Variants in TMEM259 observed in about 807,000 individuals in gnomAD.
TMEM259 encodes membralin.
TMEM259 carries 26 observed loss-of-function variants against 46.7 expected under a neutral mutation model. The ratio of observed to expected loss-of-function variants is 0.56; its 90% CI spans 0.41 to 0.77. The LOEUF is 0.77. Among genes scored for constraint, TMEM259 ranks in the 30% least tolerant of loss-of-function variants. TMEM259 has a pLI of 0.00. For missense variants in TMEM259, 930 were observed against 900.5 expected (o/e 1.03, Z -0.42); for synonymous variants, 494 against 395.1 (o/e 1.25, Z -2.97).
In TMEM259 at chr19:1,011,441, G is replaced by T; in HGVS notation, c.1143C>A (p.Ile381=). 6.4e-7 allele frequency: 1 copy of T among 1,568,312 alleles called. No homozygotes were observed. The highest frequency in any genetic ancestry group is 8.6e-7 in the Non-Finnish European group (1 of 1,157,082). Residue 381 remains isoleucine, a synonymous_variant, in exon 9 of 11, where the codon ATC becomes ATA. Coordinates refer to ENST00000356663, the MANE Select transcript of TMEM259 (RefSeq NM_001033026.2). ...FNDTTTAFYI[I]LIVWLADQYD... ...ACTGGTCCGCGAGCCACACGATGAG[G>T]ATGATGTAGAAGGCGGTGGTGGTGT...
chr19:1,020,750 C>CG lies in TMEM259; in HGVS notation c.225+21dup. On this transcript the variant is annotated intron_variant, in intron 1 of 10. Coordinates refer to ENST00000356663, the MANE Select transcript of TMEM259 (RefSeq NM_001033026.2). This position sits in a 1 kb window ranked among gnomAD's most constrained non-coding sequence, Gnocchi z 4.0. ...CGGGACAGCCGCTGGGGTCAAGGGTCGGGGGTCGGGGCCGCGGTCACCTTG... is the reference window on the plus strand; with the variant it reads ...CGGGACAGCCGCTGGGGTCAAGGGTCGGGGGGTCGGGGCCGCGGTCACCTTG... The CG allele has an allele frequency of 7.7e-7, 1 of 1,290,992 alleles. No homozygotes were observed. The allele number at this position is 1,290,992 out of a possible 1,614,324, so 80.0% of individuals were successfully genotyped here. A position where few individuals can be genotyped will look rare whatever the true frequency, so the allele number is the denominator to read the frequency against.
chr19:1,015,388 C>T (rs779335063), intron 1 of TMEM259, among the ~76,000 whole-genome samples: 6 of 152,200 alleles, frequency 3.9e-5, no homozygotes, highest in Non-Finnish European at 7.4e-5. Flanking sequence ...ACGGCCCCAC[C>T]CCGACGTCCA....
In TMEM259 at chr19:1,011,738, C is replaced by T. The variant is rs1247616099; in HGVS notation, c.1000+3G>A. 1.3e-6 allele frequency: 2 copies of T among 1,545,370 alleles called. No homozygotes were observed. The highest frequency in any genetic ancestry group is 1.7e-6 in the Non-Finnish European group (2 of 1,143,886). ...CCCCGCCCTGCGCCGGCGGGACACT[C>T]ACCGATGAAGACGAAGATCTGGTGG... On this transcript the variant is annotated splice_donor_region_variant and intron_variant, in intron 7 of 10. Transcript: ENST00000356663.
At chr19:1,018,266 C>A (rs1418114172) in intron 1 of TMEM259, among the ~76,000 whole-genome samples, 1 of 152,232 alleles carries the variant, frequency 6.6e-6, no homozygotes, top group Admixed American at 6.5e-5. Flanking sequence ...GGAACACAGG[C>A]CCCTGCCGCC....
chr19:1,010,742 T>C lies in TMEM259; in HGVS notation c.1471A>G (p.Thr491Ala). 1.3e-6 allele frequency: 2 copies of C among 1,533,082 alleles called. No individual in the cohort carries two copies. Among genetic ancestry groups the C allele is most frequent in the African/African-American group, 1.4e-5 (1 of 72,956 alleles). The allele number at this position is 1,533,082 out of a possible 1,614,324, so 95.0% of individuals were successfully genotyped here. A position where few individuals can be genotyped will look rare whatever the true frequency, so the allele number is the denominator to read the frequency against. The change falls in exon 11 of 11, where the codon ACA becomes GCA. Residue 491 changes from threonine (T) to alanine (A), a missense_variant. By Grantham distance (58) the Thr-to-Ala change is moderately conservative (BLOSUM62 0). Transcript: ENST00000356663. ...DMNNNSGAPA[T>A]APDSAGQPPA... is the part of the protein sequence containing the mutation. ...GGCTGGCCGGCAGAGTCAGGGGCTG[T>C]AGCCGGGGCGCCCGAGTTGTTGTTC...
At chr19:1,012,222 C>T (rs750987357) in intron 4 of TMEM259, 34 bp from the exon 5 acceptor site, 47 of 1,575,168 alleles carry the variant, frequency 3.0e-5, no homozygotes, top group African/African-American at 5.4e-5. Flanking sequence ...CCGGGAGCCC[C>T]GCCCAGGCCA....
chr19:1,010,215 C>T lies in TMEM259; in HGVS notation c.*135G>A. 1 of 881,584 alleles carries T rather than the reference C, an allele frequency of 1.1e-6. No homozygotes were observed. The highest frequency in any genetic ancestry group is 1.6e-6 in the Non-Finnish European group (1 of 622,106). The allele number at this position is 881,584 out of a possible 1,614,324, so 54.6% of individuals were successfully genotyped here. ...GAGGAAAGCCGCCTTCCGGGCAAAC[C>T]CCACGAAACCCTGAAAGCCCCCGAC... On this transcript the variant is annotated 3_prime_UTR_variant, in exon 11 of 11. Coordinates refer to ENST00000356663, the MANE Select transcript of TMEM259 (RefSeq NM_001033026.2).
At chr19:1,015,595 C>T (rs951081116) in intron 1 of TMEM259, among the ~76,000 whole-genome samples, 4 of 152,136 alleles carry the variant, frequency 2.6e-5, no homozygotes, top group East Asian at 3.9e-4. Flanking sequence ...CCTGCTGCCC[C>T]GATCCGCAAA....
chr19:1,011,773 C>A lies in TMEM259; in HGVS notation c.968G>T (p.Arg323Leu), dbSNP rs767155414. 1.3e-6 allele frequency: 2 copies of A among 1,564,662 alleles called. No homozygotes were observed. Among genetic ancestry groups the A allele is most frequent in the Non-Finnish European group, 1.7e-6 (2 of 1,154,312 alleles). Reference protein sequence around the residue: ...IFTLSVSMLLRYSHHQIFVFI... With the variant: ...IFTLSVSMLLLYSHHQIFVFI... Reference sequence around the variant, plus strand: ...GACGAAGATCTGGTGGTGTGAGTACCGCAGCAGCATGGACACGCTCAGCGT... The same window carrying A: ...GACGAAGATCTGGTGGTGTGAGTACAGCAGCAGCATGGACACGCTCAGCGT... The change falls in exon 7 of 11, where the codon CGG (arginine) becomes CTG (leucine). Residue 323 changes from arginine (R) to leucine (L), a missense_variant. Transcript: ENST00000356663.
chr19:1,013,375 C>T (rs1302171863), intron 2 of TMEM259, 35 bp from the exon 3 acceptor site: 1 of 1,606,784 alleles, frequency 6.2e-7, no homozygotes, highest in South Asian at 1.1e-5. Context: ...GTCAGCAGCG[C>T]CAGCCCGGGC....
Position 1,010,907 on chromosome 19 carries a change from A to AGGGCGG in TMEM259, c.1318-13_1318-12insCCGCCC. On this transcript the variant is annotated splice_polypyrimidine_tract_variant and intron_variant, in intron 10 of 10. Coordinates refer to ENST00000356663, the MANE Select transcript of TMEM259 (RefSeq NM_001033026.2). The stretch of plus-strand genomic sequence containing the variant: ...TAGATCATGGAATGCTGCGGGAGGG[A>AGGGCGG]GAGTGGGAGTCAGGACGGGCCCGCC... 7.9e-7 allele frequency: 1 copy of AGGGCGG among 1,258,314 alleles called. No individual in the cohort carries two copies. Among genetic ancestry groups the AGGGCGG allele is most frequent in the Non-Finnish European group, 1.1e-6 (1 of 899,776 alleles). 77.9% of individuals were successfully genotyped at this position (1,258,314 alleles called of 1,614,324 possible). A position where few individuals can be genotyped will look rare whatever the true frequency, so the allele number is the denominator to read the frequency against.
chr19:1,020,832 G>C lies in TMEM259; in HGVS notation c.165C>G (p.Thr55=). 7.2e-7 allele frequency: 1 copy of C among 1,379,784 alleles called. No homozygotes were observed. Among genetic ancestry groups the C allele is most frequent in the Non-Finnish European group, 9.4e-7 (1 of 1,060,998 alleles). The allele number at this position is 1,379,784 out of a possible 1,614,324, so 85.5% of individuals were successfully genotyped here. The stretch of plus-strand genomic sequence containing the variant: ...AGGCGGGCGGGAAGAGCCGCGAATA[G>C]GTGACAGCCATCTTGAAGAACAGCG... ...FHALFFKMAV[T]YSRLFPPAFR... Residue 55 remains threonine (T), a synonymous_variant, in exon 1 of 11, where the codon ACC becomes ACG. Coordinates refer to ENST00000356663, the MANE Select transcript of TMEM259 (RefSeq NM_001033026.2). The surrounding 1 kb of genome is among the most constrained non-coding windows in gnomAD (Gnocchi z 4.0).
In TMEM259 at chr19:1,010,356, C is replaced by T. The variant is rs1309769150; in HGVS notation, c.1857G>A (p.Gly619=). ...MAPTEAPSEV[G]S ...GGCGGCTCAGCTGTGCGGCTCAGGA[C>T]CCCACCTCCGAGGGCGCCTCCGTTG... Residue 619 remains glycine (G), a synonymous_variant, in exon 11 of 11, where the codon GGG becomes GGA. Coordinates refer to ENST00000356663, the MANE Select transcript of TMEM259 (RefSeq NM_001033026.2). 6.7e-7 allele frequency: 1 copy of T among 1,489,762 alleles called. No homozygotes were observed. Among genetic ancestry groups the T allele is most frequent in the Non-Finnish European group, 8.9e-7 (1 of 1,128,206 alleles). 92.3% of individuals were successfully genotyped at this position (1,489,762 alleles called of 1,614,324 possible).
At position 1,010,056 on chromosome 19, in the gene TMEM259, C is replaced by T. The variant is rs541944315; in HGVS notation, c.*294G>A. The T allele has an allele frequency of 4.5e-5, 19 of 418,584 alleles. No individual in the cohort carries two copies. The South Asian group carries it at 7.4e-4, about 16-fold the overall frequency. The allele number at this position is 418,584 out of a possible 1,614,324, so 25.9% of individuals were successfully genotyped here. A position where few individuals can be genotyped will look rare whatever the true frequency, so the allele number is the denominator to read the frequency against. On this transcript the variant is annotated 3_prime_UTR_variant, in exon 11 of 11. Coordinates refer to ENST00000356663, the MANE Select transcript of TMEM259 (RefSeq NM_001033026.2). Reference sequence around the variant, plus strand: ...CCTGCACCATGGGACCCCACTCCATCCTCAGGACGGTTCACTGCAGACCTA... The same window carrying T: ...CCTGCACCATGGGACCCCACTCCATTCTCAGGACGGTTCACTGCAGACCTA...
chr19:1,020,656 G>A lies in TMEM259; in HGVS notation c.225+116C>T, dbSNP rs1284162249. On this transcript the variant is annotated intron_variant, in intron 1 of 10. Coordinates refer to ENST00000356663, the MANE Select transcript of TMEM259 (RefSeq NM_001033026.2). This position sits in a 1 kb window ranked among gnomAD's most constrained non-coding sequence, Gnocchi z 4.0. ...CGGTAGGGCCGGGTATAGGCCTCAG[G>A]GTGCAGGGTGGCGCTCGCTGTCCCC... 5.9e-6 allele frequency: 4 copies of A among 682,444 alleles called. No individual in the cohort carries two copies. The highest frequency in any genetic ancestry group is 6.2e-5 in the South Asian group (1 of 16,206). The allele number at this position is 682,444 out of a possible 1,614,324, so 42.3% of individuals were successfully genotyped here. A position where few individuals can be genotyped will look rare whatever the true frequency, so the allele number is the denominator to read the frequency against.
chr19:1,011,152 G>A lies in TMEM259; in HGVS notation c.1261C>T (p.Arg421Cys), dbSNP rs766563006. 6 of 1,605,390 alleles carry A rather than the reference G, an allele frequency of 3.7e-6. No homozygotes were observed. The highest frequency in any genetic ancestry group is 5.1e-6 in the Non-Finnish European group (6 of 1,175,770). The change falls in exon 10 of 11, where the codon CGC (arginine) becomes TGC (cysteine). Residue 421 changes from arginine (R) to cysteine (C), a missense_variant. By Grantham distance (180) the Arg-to-Cys change is radical. Coordinates refer to ENST00000356663, the MANE Select transcript of TMEM259 (RefSeq NM_001033026.2). ...AGGCTGCTATACTGCCCATTGAAGC[G>A]GTAGTGATAGGCATAGAAGGCGAAG... ...YHFAFYAYHY[R>C]FNGQYSSLAL...
intron 1 of TMEM259, among the ~76,000 whole-genome samples, chr19:1,016,146 C>T (rs1008664168): frequency 6.6e-6 from 1 of 152,134 alleles, no homozygotes; most frequent in African/African-American, 2.4e-5. Context: ...GAGCAGAACC[C>T]TGACCGCCAG....
chr19:1,015,975 TAGCCGCACGTGCACCTGGGGCG>T (rs2039094700), intron 1 of TMEM259, among the ~76,000 whole-genome samples: 1 of 152,226 alleles, frequency 6.6e-6, no homozygotes, highest in African/African-American at 2.4e-5. Flanking sequence ...GCCCTGGGTC[TAGCCGCACGTGCACCTGGGGCG>T]AGCCCCATCA....
At chr19:1,012,261 A>T in intron 4 of TMEM259, 73 bp from the exon 5 acceptor site, 1 of 1,541,284 alleles carries the variant, frequency 6.5e-7, no homozygotes. Flanking sequence ...AGCTGGCTCC[A>T]TTGCTGAGGC....
Sources: allele counts gnomAD v4.1 joint callset (sites outside exome capture counted in the v4.1 genomes callset), GRCh38; gene constraint gnomAD v4.1.1; non-coding constraint Gnocchi (gnomAD v3.1); transcripts MANE v1.5; gene names NCBI Gene and HGNC (gene_info 2026-07-23, HGNC 2026-07-21).